Variants in PTPRT observed in about 807,000 individuals in gnomAD.
The protein encoded by PTPRT is protein tyrosine phosphatase receptor type T.
In PTPRT, 56 loss-of-function variants were observed where a neutral mutation model predicts 176.8. The ratio of observed to expected loss-of-function variants is 0.32; its 90% CI spans 0.26 to 0.40. The LOEUF (loss-of-function observed/expected upper bound fraction) is 0.40. Among genes scored for constraint, PTPRT ranks in the 10% least tolerant of loss-of-function variants. The pLI is 1.00. For missense variants in PTPRT, 1,540 were observed against 1,908.2 expected, an observed-to-expected ratio of 0.81 and a Z score of 3.60; for synonymous variants, 783 against 739.0, an observed-to-expected ratio of 1.06 and a Z score of -0.96.
At chr20:42,824,574 C>T (rs2077960079) in intron 2 of PTPRT, among the ~76,000 whole-genome samples, 1 of 151,914 alleles carries the variant, frequency 6.6e-6, no homozygotes, top group Admixed American at 6.6e-5. Flanking sequence ...TTTGAAAAAA[C>T]AATGGACTTA....
Position 42,517,462 on chromosome 20 carries a change from CTT to C in PTPRT, c.1154-44902_1154-44901del, listed in dbSNP as rs371734148. Among the ~76,000 whole-genome samples the C allele has an allele frequency of 2.3e-3, 342 of 151,986 alleles. 3 individuals carry two copies. Among genetic ancestry groups the C allele is most frequent in the African/African-American group, 8.0e-3 (333 of 41,536 alleles). ...GCTTTTATTATGGAATTAACTTTGA[CTT>C]TGCCAATCTTTCTATTGTACATATG... On this transcript the variant is annotated intron_variant, in intron 7 of 30. Transcript: ENST00000373187.
At chr20:42,615,915 T>C (rs1360376177) in intron 7 of PTPRT, among the ~76,000 whole-genome samples, 1 of 118,668 alleles carries the variant, frequency 8.4e-6, no homozygotes, top group Non-Finnish European at 1.7e-5. Context: ...GTAGTTTCTT[T>C]TGCTGTGCAG....
At chr20:42,411,123 C>G (rs1330410394) in intron 9 of PTPRT, among the ~76,000 whole-genome samples, 1 of 151,946 alleles carries the variant, frequency 6.6e-6, no homozygotes, top group Non-Finnish European at 1.5e-5. Context: ...CTAATGAAAA[C>G]AAATGGTAAA....
chr20:42,102,269 C>T lies in PTPRT; in HGVS notation c.3569G>A (p.Arg1190Gln), dbSNP rs201064715. The change falls in exon 26 of 31, where the codon CGG (arginine) becomes CAG (glutamine). Residue 1190 changes from arginine to glutamine, a missense_variant. Physicochemically the swap from Arg to Gln is conservative, Grantham distance 43. This residue lies in a region of PTPRT where 342 missense variants were observed against 394.0 expected (regional missense o/e 0.87). Coordinates refer to ENST00000373187, the MANE Select transcript of PTPRT (RefSeq NM_007050.6). The part of the protein sequence containing the change: ...QTLNIVTPRV[R>Q]PEDCSIGLLP... The stretch of plus-strand genomic sequence containing the variant: ...GAGCCCAATGCTGCAGTCCTCGGGC[C>T]GCACACGGGGTGTCACAATGTTGAG... 41 of 1,613,982 alleles carry T rather than the reference C, an allele frequency of 2.5e-5. No individual in the cohort carries two copies. Among genetic ancestry groups the T allele is most frequent in the African/African-American group, 5.3e-5 (4 of 74,914 alleles).
intron 9 of PTPRT, among the ~76,000 whole-genome samples, chr20:42,379,520 C>T (rs1269965112): frequency 1.3e-5 from 2 of 152,234 alleles, no homozygotes; most frequent in African/African-American, 4.8e-5. Flanking sequence ...GAGCCTCTCA[C>T]TCTTACTTTT....
chr20:43,045,510 G>A (rs1986800125), intron 1 of PTPRT, among the ~76,000 whole-genome samples: 1 of 140,932 alleles, frequency 7.1e-6, no homozygotes, highest in Non-Finnish European at 1.5e-5. Flanking sequence ...CTGGAGTCCA[G>A]CAGTGTTATC....
intron 29 of PTPRT, 69 bp from the exon 30 acceptor site, chr20:42,082,086 A>G: frequency 6.2e-7 from 1 of 1,603,662 alleles, no homozygotes; most frequent in Non-Finnish European, 8.5e-7. Context: ...TTCTAAAGCT[A>G]CATCAGTAGG....
chr20:42,807,849 G>A (rs151108640), intron 2 of PTPRT, among the ~76,000 whole-genome samples: 7 of 152,320 alleles, frequency 4.6e-5, no homozygotes, highest in African/African-American at 1.7e-4. Context: ...AGCATGCAGA[G>A]ACACAGAATA....
Position 42,616,388 on chromosome 20 carries a change from T to C in PTPRT, c.1153+61478A>G, listed in dbSNP as rs1048035534. Among the ~76,000 whole-genome samples the C allele has an allele frequency of 4.5e-4, 55 of 121,714 alleles. 4 individuals are homozygous for C. The East Asian group carries it at 0.01, about 23-fold the overall frequency. The allele number at this position is 121,714 out of a possible 152,430, so 79.8% of individuals were successfully genotyped here. ...AGGTAGTGTGATGCCTCCAGCTTTG[T>C]TCTTTTGGGTTAGGATTGACTTGGC... On this transcript the variant is annotated intron_variant, in intron 7 of 30. Transcript: ENST00000373187.
chr20:42,780,873 A>G (rs927190488), intron 3 of PTPRT, among the ~76,000 whole-genome samples: 3 of 152,166 alleles, frequency 2.0e-5, no homozygotes, highest in Non-Finnish European at 4.4e-5. Flanking sequence ...TTTCCATAAA[A>G]ATTTTGTAAT....
intron 7 of PTPRT, among the ~76,000 whole-genome samples, chr20:42,557,780 AC>A (rs1198573566): frequency 6.6e-6 from 1 of 152,146 alleles, no homozygotes; most frequent in Non-Finnish European, 1.5e-5. Context: ...TGTGTACCTC[AC>A]CTTTGCTTCC....
intron 7 of PTPRT, among the ~76,000 whole-genome samples, chr20:42,672,372 G>A (rs578143197): frequency 2.6e-5 from 4 of 152,240 alleles, no homozygotes; most frequent in South Asian, 4.2e-4. Context: ...TTTGGGACTC[G>A]GACTGGCTTC....
At chr20:42,632,364 T>C (rs1217647602) in intron 7 of PTPRT, among the ~76,000 whole-genome samples, 2 of 151,936 alleles carry the variant, frequency 1.3e-5, no homozygotes, top group Non-Finnish European at 1.5e-5. Context: ...TCAGCCTCCT[T>C]AATAGCTGGG....
At chr20:42,920,524 T>A (rs1209986411) in intron 1 of PTPRT, among the ~76,000 whole-genome samples, 1 of 152,072 alleles carries the variant, frequency 6.6e-6, no homozygotes, top group Non-Finnish European at 1.5e-5. Context: ...AAATTCACTA[T>A]GCTGTAGCCT....
intron 14 of PTPRT, among the ~76,000 whole-genome samples, chr20:42,245,556 C>T (rs1430130830): frequency 2.0e-5 from 3 of 152,166 alleles, no homozygotes; most frequent in Non-Finnish European, 4.4e-5. Context: ...CTTTTCCCTC[C>T]TCTATTTTGT....
chr20:42,818,642 T>C (rs1276715403), intron 2 of PTPRT, among the ~76,000 whole-genome samples: 1 of 152,144 alleles, frequency 6.6e-6, no homozygotes, highest in East Asian at 1.9e-4. Flanking sequence ...GTTACAGGAA[T>C]TGCTAACTAG....
chr20:42,596,294 G>A (rs1359519595), intron 7 of PTPRT, among the ~76,000 whole-genome samples: 2 of 152,150 alleles, frequency 1.3e-5, no homozygotes, highest in African/African-American at 2.4e-5. Flanking sequence ...CCAAAACTTT[G>A]CCAATTCTAC....
At chr20:42,761,303 G>A (rs930865635) in intron 5 of PTPRT, among the ~76,000 whole-genome samples, 7 of 152,024 alleles carry the variant, frequency 4.6e-5, no homozygotes, top group African/African-American at 7.2e-5. Context: ...GCATGGTGGC[G>A]CATGCCTGTA....
chr20:43,134,209 T>C (rs115201503), intron 1 of PTPRT, among the ~76,000 whole-genome samples: 3,712 of 152,240 alleles, frequency 0.024, 162 homozygotes, highest in African/African-American at 0.085. Flanking sequence ...TATAGATCAG[T>C]TTAATTTATT....
Sources: allele counts gnomAD v4.1 joint callset (sites outside exome capture counted in the v4.1 genomes callset), GRCh38; gene constraint gnomAD v4.1.1; regional missense constraint gnomAD v4.1.1; transcripts MANE v1.5; gene names NCBI Gene and HGNC (gene_info 2026-07-23, HGNC 2026-07-21).